Variants in CTNNA2 observed in about 807,000 individuals in gnomAD.
CTNNA2 encodes the protein catenin alpha-2.
CTNNA2 carries 42 observed loss-of-function variants against 101.0 expected under a neutral mutation model. The observed-to-expected ratio is 0.42, with a 90% CI of 0.32 to 0.54. The LOEUF is 0.54. Among genes scored for constraint, CTNNA2 ranks in the 20% least tolerant of loss-of-function variants. CTNNA2 has a pLI of 0.14. For synonymous variants in CTNNA2, 450 were observed against 456.4 expected, an observed-to-expected ratio of 0.99 and a Z score of 0.18; for missense variants, 871 against 1,223.1, an observed-to-expected ratio of 0.71 and a Z score of 4.29.
At chr2:80,598,584 C>A (rs55663827) in intron 15 of CTNNA2, among the ~76,000 whole-genome samples, 3,823 of 152,228 alleles carry the variant, frequency 0.025, 59 homozygotes, top group Admixed American at 0.039. Context: ...ATACCATAAA[C>A]AATTACGTCA....
chr2:80,048,452 C>T (rs921218583), intron 7 of CTNNA2, among the ~76,000 whole-genome samples: 15 of 151,408 alleles, frequency 9.9e-5, no homozygotes, highest in African/African-American at 2.7e-4. Flanking sequence ...ACAAGAGAAA[C>T]GTGATTTTTG....
intron 7 of CTNNA2, among the ~76,000 whole-genome samples, chr2:79,913,559 A>C (rs1340996011): frequency 1.3e-5 from 2 of 152,196 alleles, no homozygotes; most frequent in African/African-American, 2.4e-5. Flanking sequence ...ACAGGCCACA[A>C]AGGCAAAAGG....
intron 7 of CTNNA2, among the ~76,000 whole-genome samples, chr2:80,157,808 G>A (rs1704074626): frequency 6.6e-6 from 1 of 151,950 alleles, no homozygotes; most frequent in African/African-American, 2.4e-5. Context: ...GCAGTTTACT[G>A]GTGTTCCACA....
chr2:79,901,788 G>A (rs1428033323), intron 6 of CTNNA2, among the ~76,000 whole-genome samples: 1 of 152,178 alleles, frequency 6.6e-6, no homozygotes, highest in Admixed American at 6.5e-5. Flanking sequence ...TAAAACCATT[G>A]AATTAGTGTT....
At chr2:79,836,582 G>T (rs1303251631) in intron 3 of CTNNA2, among the ~76,000 whole-genome samples, 4 of 152,146 alleles carry the variant, frequency 2.6e-5, no homozygotes, top group Admixed American at 1.3e-4. Flanking sequence ...CCAAAATCAA[G>T]ATGTTGGCAA....
At chr2:80,257,715 A>T (rs1672284249) in intron 7 of CTNNA2, among the ~76,000 whole-genome samples, 1 of 152,172 alleles carries the variant, frequency 6.6e-6, no homozygotes, top group Non-Finnish European at 1.5e-5. Flanking sequence ...CTCCTCAAGC[A>T]CTCGCGCTCT....
intron 2 of CTNNA2, among the ~76,000 whole-genome samples, chr2:79,741,034 A>G (rs573863726): frequency 8.4e-4 from 128 of 152,176 alleles, no homozygotes; most frequent in African/African-American, 3.0e-3. Context: ...AGTAGTGTGG[A>G]GTGGCATGCA....
chr2:79,648,857 A>G (rs184594775), intron 1 of CTNNA2, among the ~76,000 whole-genome samples: 4 of 152,338 alleles, frequency 2.6e-5, no homozygotes, highest in African/African-American at 4.8e-5. Flanking sequence ...GCTGGAAAAC[A>G]GCATTTCACA....
Position 80,053,081 on chromosome 2 carries a change from T to C in CTNNA2, c.1056+143284T>C, listed in dbSNP as rs78242599. Among the ~76,000 whole-genome samples, 790 of 152,344 alleles carry C rather than the reference T, an allele frequency of 5.2e-3. 12 individuals carry two copies. The highest frequency in any genetic ancestry group is 0.018 in the African/African-American group (739 of 41,584). On this transcript the variant is annotated intron_variant, in intron 7 of 18. Coordinates refer to ENST00000402739, the MANE Select transcript of CTNNA2 (RefSeq NM_001282597.3). The stretch of plus-strand genomic sequence containing the variant: ...AGATTTTTTAAAGTTTTAATTTCAG[T>C]ATTTTCTTTACTTTGACATACATTC...
chr2:80,222,895 G>GA (rs144499196), intron 7 of CTNNA2, among the ~76,000 whole-genome samples: 1 of 151,774 alleles, frequency 6.6e-6, no homozygotes, highest in African/African-American at 2.4e-5. Flanking sequence ...CCTGAAATTT[G>GA]AAAAAAAGAG....
At position 79,865,415 on chromosome 2, in the gene CTNNA2, A is replaced by G. The variant is rs1574168246; in HGVS notation, c.466-4401A>G. ...TTCACTGTAAAAGTAGACTGTAACA[A>G]GAGATTTACATATGATCCATTAAAT... On this transcript the variant is annotated intron_variant, in intron 4 of 18. Transcript: ENST00000402739. Among the ~76,000 whole-genome samples, 8 of 152,152 alleles carry G rather than the reference A, an allele frequency of 5.3e-5. No individual in the cohort carries two copies. The South Asian group carries it at 1.7e-3, about 32-fold the overall frequency.
chr2:79,565,974 T>TA (rs1675088266), intron 1 of CTNNA2, among the ~76,000 whole-genome samples: 1 of 151,960 alleles, frequency 6.6e-6, no homozygotes, highest in Non-Finnish European at 1.5e-5. Flanking sequence ...AATAAGCAGA[T>TA]GAAACAGCCC....
intron 7 of CTNNA2, among the ~76,000 whole-genome samples, chr2:80,015,627 C>A (rs1364188288): frequency 1.3e-5 from 2 of 152,156 alleles, no homozygotes; most frequent in African/African-American, 4.8e-5. Context: ...TCTCCCCCTC[C>A]ACCGGCTAGG....
At chr2:80,337,524 T>C (rs1198983363) in intron 7 of CTNNA2, among the ~76,000 whole-genome samples, 1 of 151,164 alleles carries the variant, frequency 6.6e-6, no homozygotes, top group Non-Finnish European at 1.5e-5. Context: ...AGAGCAGTTT[T>C]GAGAGGCAGA....
chr2:79,328,837 G>A (rs972034458), intron 3 of CTNNA2, among the ~76,000 whole-genome samples: 2 of 152,156 alleles, frequency 1.3e-5, no homozygotes, highest in Non-Finnish European at 2.9e-5. Flanking sequence ...AAATCAACGT[G>A]CTGGCAGGGC....
intron 6 of CTNNA2, among the ~76,000 whole-genome samples, chr2:79,893,112 T>C (rs918023207): frequency 2.3e-4 from 35 of 152,026 alleles, no homozygotes; most frequent in African/African-American, 8.2e-4. Flanking sequence ...TCACATATGA[T>C]AGGTAGTAAA....
intron 3 of CTNNA2, among the ~76,000 whole-genome samples, chr2:79,352,078 C>G (rs1677401092): frequency 6.6e-6 from 1 of 152,180 alleles, no homozygotes; most frequent in African/African-American, 2.4e-5. Flanking sequence ...ACAGCCTTAT[C>G]AGCATTTGTT....
intron 2 of CTNNA2, among the ~76,000 whole-genome samples, chr2:79,227,849 T>G (rs1674439794): frequency 6.6e-6 from 1 of 152,246 alleles, no homozygotes; most frequent in African/African-American, 2.4e-5. Flanking sequence ...GTCCCAAAGA[T>G]CTTACCACCC....
At chr2:80,514,594 G>T (rs559309206) in intron 9 of CTNNA2, among the ~76,000 whole-genome samples, 7 of 152,240 alleles carry the variant, frequency 4.6e-5, no homozygotes, top group South Asian at 4.1e-4. Context: ...GATGGAAAAG[G>T]CTCTCAGAAG....
Sources: allele counts gnomAD v4.1 joint callset (sites outside exome capture counted in the v4.1 genomes callset), GRCh38; gene constraint gnomAD v4.1.1; transcripts MANE v1.5; gene names NCBI Gene and HGNC (gene_info 2026-07-23, HGNC 2026-07-21).